Variants in SLC25A24 observed in about 807,000 individuals in gnomAD.
SLC25A24 encodes the protein solute carrier family 25 member 24, also known as mitochondrial adenyl nucleotide antiporter SLC25A24.
SLC25A24 carries 49 observed loss-of-function variants against 60.7 expected under a neutral mutation model. The ratio of observed to expected loss-of-function variants is 0.81; its 90% CI spans 0.64 to 1.02. The LOEUF is 1.02. Ranked by LOEUF, SLC25A24 falls within the 50% of genes least tolerant of loss-of-function variation. SLC25A24 has a pLI of 0.00. For missense variants in SLC25A24, 564 were observed against 586.3 expected, an observed-to-expected ratio of 0.96 and a Z score of 0.39; for synonymous variants, 202 against 200.6, an observed-to-expected ratio of 1.01 and a Z score of -0.06.
At position 108,182,819 on chromosome 1, in the gene SLC25A24, T is replaced by C. The variant is rs566215142; in HGVS notation, c.311-791A>G. Reference sequence around the variant, plus strand: ...CTGCACCCCAGCCTGGGTGACAGAGTGAGACTCCATCTCAAAAATAAATAA... The same window carrying C: ...CTGCACCCCAGCCTGGGTGACAGAGCGAGACTCCATCTCAAAAATAAATAA... On this transcript the variant is annotated intron_variant, in intron 2 of 9. Transcript: ENST00000565488. Among the ~76,000 whole-genome samples the C allele has an allele frequency of 3.8e-4, 57 of 151,424 alleles. 1 individual carries two copies. Among genetic ancestry groups the C allele is most frequent in the Middle Eastern group, 3.4e-3 (1 of 292 alleles).
intron 3 of SLC25A24, among the ~76,000 whole-genome samples, chr1:108,179,790 C>G (rs1183697969): frequency 6.6e-6 from 1 of 152,072 alleles, no homozygotes; most frequent in Non-Finnish European, 1.5e-5. Flanking sequence ...AAGAGCTCCA[C>G]TATACAACAT....
intron 3 of SLC25A24, among the ~76,000 whole-genome samples, chr1:108,175,594 G>A (rs1289752229): frequency 5.9e-5 from 9 of 152,096 alleles, no homozygotes; most frequent in African/African-American, 2.2e-4. Context: ...TACTCAGGAG[G>A]TGAGAGGATC....
intron 4 of SLC25A24, among the ~76,000 whole-genome samples, chr1:108,160,505 A>G (rs1004829986): frequency 6.0e-5 from 9 of 148,830 alleles, no homozygotes; most frequent in African/African-American, 2.2e-4. Flanking sequence ...ATCCCAGACG[A>G]TGGGCGGCCA....
chr1:108,195,802 C>G (rs1648477964), intron 1 of SLC25A24, among the ~76,000 whole-genome samples: 1 of 152,052 alleles, frequency 6.6e-6, no homozygotes, highest in African/African-American at 2.4e-5. Flanking sequence ...AATTCAAGAC[C>G]AGCCTGACCA....
At chr1:108,162,322 C>T (rs559533862) in intron 3 of SLC25A24, among the ~76,000 whole-genome samples, 7 of 148,208 alleles carry the variant, frequency 4.7e-5, no homozygotes, top group Non-Finnish European at 8.9e-5. Context: ...AATGGGATGG[C>T]TGGGTCAAAT....
intron 7 of SLC25A24, among the ~76,000 whole-genome samples, chr1:108,144,151 G>C (rs184653592): frequency 4.0e-4 from 61 of 152,136 alleles, no homozygotes; most frequent in African/African-American, 1.4e-3. Context: ...TTTGAGAGGT[G>C]TGTGGAGTAA....
chr1:108,138,267 G>A (rs554361522), intron 9 of SLC25A24, among the ~76,000 whole-genome samples: 2 of 152,324 alleles, frequency 1.3e-5, no homozygotes, highest in African/African-American at 2.4e-5. Flanking sequence ...AATGGCTCAG[G>A]GAGTATTTGC....
intron 1 of SLC25A24, chr1:108,199,520 ATAGCTGCTGTAACAAAG>A: frequency 4.1e-6 from 1 of 243,050 alleles, no homozygotes; most frequent in East Asian, 8.4e-5. Flanking sequence ...GACAATACAC[ATAGCTGCTGTAACAAAG>A]CAGCTTCGAA....
intron 3 of SLC25A24, among the ~76,000 whole-genome samples, chr1:108,173,745 G>A (rs1228584402): frequency 6.6e-6 from 1 of 152,206 alleles, no homozygotes; most frequent in Non-Finnish European, 1.5e-5. Context: ...AGTTCCCAGA[G>A]ACTTGTTGAA....
intron 3 of SLC25A24, among the ~76,000 whole-genome samples, chr1:108,166,401 T>C (rs1395978740): frequency 6.6e-6 from 1 of 152,166 alleles, no homozygotes; most frequent in African/African-American, 2.4e-5. Context: ...TCCAACTTGG[T>C]TCCATTCTCC....
chr1:108,192,801 G>A, intron 1 of SLC25A24: 1 of 1,276,440 alleles, frequency 7.8e-7, no homozygotes, highest in Non-Finnish European at 1.0e-6. Context: ...GAAGGAGAGG[G>A]CTCATCCTAA....
chr1:108,177,654 T>C (rs1452090306), intron 3 of SLC25A24, among the ~76,000 whole-genome samples: 1 of 152,138 alleles, frequency 6.6e-6, no homozygotes, highest in Non-Finnish European at 1.5e-5. Flanking sequence ...TCAGAAGTTG[T>C]AAAGGAGAAA....
chr1:108,192,733 A>G lies in SLC25A24; in HGVS notation c.184-6779T>C, dbSNP rs1342471119. 1.4e-6 allele frequency: 2 copies of G among 1,403,414 alleles called. 1 individual carries two copies. Among genetic ancestry groups the G allele is most frequent in the East Asian group, 6.3e-5 (2 of 31,812 alleles). The allele number at this position is 1,403,414 out of a possible 1,614,324, so 86.9% of individuals were successfully genotyped here. A position where few individuals can be genotyped will look rare whatever the true frequency, so the allele number is the denominator to read the frequency against. Reference sequence around the variant, plus strand: ...CACACGTCCAGTGGGAAGAGGCCTAAGACAGCATCCTCCTCAGGGGCGCCA... The same window carrying G: ...CACACGTCCAGTGGGAAGAGGCCTAGGACAGCATCCTCCTCAGGGGCGCCA... On this transcript the variant is annotated intron_variant, in intron 1 of 9. Transcript: ENST00000565488.
chr1:108,169,610 T>C (rs1286540766), intron 3 of SLC25A24, among the ~76,000 whole-genome samples: 2 of 152,222 alleles, frequency 1.3e-5, no homozygotes, highest in African/African-American at 2.4e-5. Context: ...AATGATCTCC[T>C]AGAAAGGATA....
chr1:108,167,369 G>T (rs1263122577), intron 3 of SLC25A24, among the ~76,000 whole-genome samples: 1 of 152,140 alleles, frequency 6.6e-6, no homozygotes, highest in Admixed American at 6.5e-5. Context: ...CCTGGGCAAT[G>T]GCGGGTGCCC....
intron 1 of SLC25A24, among the ~76,000 whole-genome samples, chr1:108,186,960 C>T (rs929805148): frequency 6.6e-6 from 1 of 152,038 alleles, no homozygotes; most frequent in Admixed American, 6.6e-5. Flanking sequence ...GCCTGTAATC[C>T]CAGCTACTTG....
intron 3 of SLC25A24, among the ~76,000 whole-genome samples, chr1:108,170,141 C>T (rs1053708322): frequency 6.6e-6 from 1 of 152,134 alleles, no homozygotes; most frequent in African/African-American, 2.4e-5. Context: ...AAAATTCATA[C>T]AAGTTCCATC....
At chr1:108,176,365 A>G (rs1244075328) in intron 3 of SLC25A24, among the ~76,000 whole-genome samples, 2 of 152,202 alleles carry the variant, frequency 1.3e-5, no homozygotes, top group African/African-American at 4.8e-5. Flanking sequence ...GAAAGCTTAC[A>G]AGATTTATGG....
In SLC25A24 at chr1:108,142,242, T is replaced by C. The variant is rs151038411; in HGVS notation, c.1098+1301A>G. On this transcript the variant is annotated intron_variant, in intron 8 of 9. Coordinates refer to ENST00000565488, the MANE Select transcript of SLC25A24 (RefSeq NM_013386.5). ...CTAAAAGCTAAACACAGAATGACCA[T>C]ATGGCTCAGCAATTCCATTCTGAGA... Among the ~76,000 whole-genome samples the C allele has an allele frequency of 3.8e-3, 573 of 152,320 alleles. 4 individuals are homozygous for C. Among genetic ancestry groups the C allele is most frequent in the African/African-American group, 0.013 (529 of 41,578 alleles).
Sources: allele counts gnomAD v4.1 joint callset (sites outside exome capture counted in the v4.1 genomes callset), GRCh38; gene constraint gnomAD v4.1.1; transcripts MANE v1.5; gene names NCBI Gene and HGNC (gene_info 2026-07-23, HGNC 2026-07-21).